The following GLCCI1 variants were observed in gnomAD, a reference collection of about 807,000 sequenced individuals.
GLCCI1 encodes glucocorticoid induced 1.
GLCCI1 carries 24 observed loss-of-function variants against 52.2 expected under a neutral mutation model. That is an observed-to-expected ratio of 0.46 (90% CI 0.33 to 0.65). The LOEUF (loss-of-function observed/expected upper bound fraction) is 0.65. GLCCI1 is among the 30% of genes least tolerant of loss of function. The pLI, the probability that GLCCI1 is intolerant of heterozygous loss-of-function variation, is 0.02. For missense variants in GLCCI1, 704 were observed against 701.5 expected (o/e 1.00, Z -0.04); for synonymous variants, 310 against 276.5 (o/e 1.12, Z -1.20).
At chr7:7,997,819 C>G in intron 1 of GLCCI1, among the ~76,000 whole-genome samples, 1 of 151,928 alleles carries the variant, frequency 6.6e-6, no homozygotes. Context: ...TCCAGCTACT[C>G]GGGAGCCTGA....
At chr7:8,028,845 A>G (rs951967101) in intron 3 of GLCCI1, among the ~76,000 whole-genome samples, 1 of 152,168 alleles carries the variant, frequency 6.6e-6, no homozygotes, top group Non-Finnish European at 1.5e-5. Flanking sequence ...ATAAATTGGA[A>G]TATCTATAAG....
chr7:8,044,273 C>T (rs1212572550), intron 3 of GLCCI1, among the ~76,000 whole-genome samples: 3 of 152,094 alleles, frequency 2.0e-5, no homozygotes, highest in South Asian at 2.1e-4. Flanking sequence ...AAAAGTTACA[C>T]ACCACTAAAG....
Position 8,086,544 on chromosome 7 carries a change from G to T in GLCCI1, c.*6G>T. ...AGAACTATGTGATCATCTAAAAAAG[G>T]GGGAGCTGGCCTCCACCCTATGTTC... On this transcript the variant is annotated 3_prime_UTR_variant, in exon 8 of 8. Transcript: ENST00000223145. This position sits in a 1 kb window ranked among gnomAD's most constrained non-coding sequence, Gnocchi z 4.4. 1.3e-6 allele frequency: 2 copies of T among 1,571,542 alleles called. No homozygotes were observed. The highest frequency in any genetic ancestry group is 1.7e-6 in the Non-Finnish European group (2 of 1,161,202).
rs1268659559 is a variant in GLCCI1, at chr7:8,023,585, A to ATTTTTTTTTTTTTTTTTTTTT, written c.696+1018_696+1019insTTTTTTTTTTTTTTTTTTTTT. Among the ~76,000 whole-genome samples, 8 of 39,810 alleles carry ATTTTTTTTTTTTTTTTTTTTT rather than the reference A, an allele frequency of 2.0e-4. 1 individual carries two copies. Among genetic ancestry groups the ATTTTTTTTTTTTTTTTTTTTT allele is most frequent in the Non-Finnish European group, 3.1e-4 (6 of 19,576 alleles). 26.1% of individuals were successfully genotyped at this position (39,810 alleles called of 152,430 possible). On this transcript the variant is annotated intron_variant, in intron 3 of 7. Coordinates refer to ENST00000223145, the MANE Select transcript of GLCCI1 (RefSeq NM_138426.4). ...AAAAGATGGTCATCTAATCTCTGTT[A>ATTTTTTTTTTTTTTTTTTTTT]TTCTTTTTTTTTTTTTTTTTTTTTT...
chr7:8,009,996 A>G (rs1235389222), intron 2 of GLCCI1, among the ~76,000 whole-genome samples: 1 of 149,806 alleles, frequency 6.7e-6, no homozygotes, highest in Non-Finnish European at 1.5e-5. Context: ...AATCTTATTT[A>G]AACATTTAAA....
intron 3 of GLCCI1, among the ~76,000 whole-genome samples, chr7:8,026,345 T>C (rs1781619881): frequency 6.6e-6 from 1 of 151,884 alleles, no homozygotes; most frequent in African/African-American, 2.4e-5. Context: ...GAAGAATAGG[T>C]AAACAAAAAA....
At chr7:8,049,509 T>G (rs903840655) in intron 3 of GLCCI1, among the ~76,000 whole-genome samples, 4 of 152,176 alleles carry the variant, frequency 2.6e-5, no homozygotes, top group African/African-American at 9.7e-5. Flanking sequence ...GTAAATATGT[T>G]TTATAATGCT....
rs751538233 is a variant in GLCCI1, at chr7:8,088,108, C to A, written c.*1570C>A. On this transcript the variant is annotated 3_prime_UTR_variant, in exon 8 of 8. Transcript: ENST00000223145. ...AACCAGGTGCCTACAGTTAAAGGAA[C>A]GTTTCAGTTCCTTTCATTCATTCCT... The A allele has an allele frequency of 1.3e-5, 2 of 152,104 alleles. No individual in the cohort carries two copies. The highest frequency in any genetic ancestry group is 2.9e-5 in the Non-Finnish European group (2 of 68,014). 9.4% of individuals were successfully genotyped at this position (152,104 alleles called of 1,614,324 possible).
At chr7:8,015,003 G>C (rs1781347710) in intron 2 of GLCCI1, among the ~76,000 whole-genome samples, 1 of 152,140 alleles carries the variant, frequency 6.6e-6, no homozygotes, top group African/African-American at 2.4e-5. Context: ...GGAGTTTTAT[G>C]ATCCTGCCTC....
chr7:7,977,507 G>A lies in GLCCI1; in HGVS notation c.457+7700G>A, dbSNP rs577794682. ...TTCCAAATGGTTCCATAGACATGTC[G>A]TAGAGGCATAAATGTATCCTGGGAA... On this transcript the variant is annotated intron_variant, in intron 1 of 7. Transcript: ENST00000223145. Among the ~76,000 whole-genome samples the A allele has an allele frequency of 3.2e-4, 48 of 152,266 alleles. 1 individual carries two copies. Among genetic ancestry groups the A allele is most frequent in the Middle Eastern group, 6.8e-3 (2 of 294 alleles).
At chr7:8,020,378 T>C (rs1781459145) in intron 2 of GLCCI1, among the ~76,000 whole-genome samples, 1 of 152,242 alleles carries the variant, frequency 6.6e-6, no homozygotes, top group African/African-American at 2.4e-5. Context: ...ACTAACTTGA[T>C]TTCTTTTGTA....
intron 6 of GLCCI1, among the ~76,000 whole-genome samples, chr7:8,076,011 T>C (rs560715104): frequency 1.3e-5 from 2 of 152,230 alleles, no homozygotes; most frequent in Non-Finnish European, 2.9e-5. Flanking sequence ...CTTTTCAGGG[T>C]CTAGGGTTGA....
At chr7:8,040,525 A>AACACACAC (rs58561376) in intron 3 of GLCCI1, among the ~76,000 whole-genome samples, 4,454 of 145,254 alleles carry the variant, frequency 0.031, 88 homozygotes, top group Admixed American at 0.05. Context: ...AGATATAATT[A>AACACACAC]ACACACACAC....
At chr7:8,060,335 A>C in intron 5 of GLCCI1, 87 bp downstream of exon 5, 1 of 1,060,402 alleles carries the variant, frequency 9.4e-7, no homozygotes, top group South Asian at 1.5e-5. Context: ...AGCTTTGTTA[A>C]GATATAATTC....
rs755118885 is a variant in GLCCI1, at chr7:8,060,099, A to G, written c.817A>G (p.Thr273Ala). ...NHITISHTQA[T>A]GSRSVPMPLS... ...CCACCTTTATCTTATCTCATAGGCT[A>G]CTGGATCAAGGTCAGTTCCTATGCC... is the stretch of plus-strand genomic sequence containing the variant. Residue 273 changes from threonine (T) to alanine (A), a missense_variant, in exon 5 of 8, where the codon ACT (threonine) becomes GCT (alanine). Thr to Ala is a moderately conservative substitution (Grantham distance 58, BLOSUM62 0). Around this residue, in one of 3 missense-constraint regions of GLCCI1, gnomAD observed 547 missense variants for 524.8 expected, o/e 1.04. Transcript: ENST00000223145. The G allele has an allele frequency of 2.5e-6, 4 of 1,610,768 alleles. No homozygotes were observed. The highest frequency in any genetic ancestry group is 2.7e-5 in the African/African-American group (2 of 74,872).
At chr7:8,000,945 A>G (rs1202314408) in intron 1 of GLCCI1, among the ~76,000 whole-genome samples, 1 of 152,040 alleles carries the variant, frequency 6.6e-6, no homozygotes, top group African/African-American at 2.4e-5. Flanking sequence ...TGCATGTGAG[A>G]TGGGTCTCCT....
chr7:8,055,370 T>G, intron 3 of GLCCI1, 63 bp from the exon 4 acceptor site: 1 of 968,940 alleles, frequency 1.0e-6, no homozygotes, highest in South Asian at 1.5e-5. Context: ...ACTGAAGAAA[T>G]AAATATAAAA....
At position 8,049,078 on chromosome 7, in the gene GLCCI1, CAT is replaced by C. The variant is rs375496796; in HGVS notation, c.697-6354_697-6353del. On this transcript the variant is annotated intron_variant, in intron 3 of 7. Transcript: ENST00000223145. ...CTCAGTGGAAAGAAGAATAAAATCA[CAT>C]GTTGCTTCATTATTTCACCAGCAAG... Among the ~76,000 whole-genome samples the C allele has an allele frequency of 2.0e-5, 3 of 152,234 alleles. No individual in the cohort carries two copies. In the East Asian group the frequency reaches 5.8e-4, roughly 29 times the overall value.
intron 3 of GLCCI1, among the ~76,000 whole-genome samples, chr7:8,027,175 A>G (rs1781640490): frequency 6.6e-6 from 1 of 152,242 alleles, no homozygotes; most frequent in South Asian, 2.1e-4. Flanking sequence ...AAACAGAGAT[A>G]TATAACCTTT....
Sources: gnomAD v4.1 joint callset for allele counts (sites outside exome capture counted in the v4.1 genomes callset) on GRCh38, gnomAD v4.1.1 for gene constraint, gnomAD v4.1.1 regional missense constraint, Gnocchi (gnomAD v3.1) non-coding constraint, MANE v1.5 for transcripts, NCBI Gene and HGNC (gene_info 2026-07-23, HGNC 2026-07-21) for gene names.